Variants in N4BP2 observed in about 807,000 individuals in gnomAD.
N4BP2 encodes the protein NEDD4 binding protein 2.
In N4BP2, 91 loss-of-function variants were observed where a neutral mutation model predicts 152.8. The observed-to-expected ratio is 0.60, with a 90% CI of 0.50 to 0.71. N4BP2 has a LOEUF of 0.71. Ranked by LOEUF, N4BP2 falls within the 30% of genes least tolerant of loss-of-function variation. N4BP2 has a pLI of 0.00. For synonymous variants in N4BP2, 646 were observed against 705.3 expected (o/e 0.92, Z 1.33); for missense variants, 1,923 against 2,059.1 (o/e 0.93, Z 1.28).
chr4:40,147,583 G>T (rs946795393), intron 16 of N4BP2, among the ~76,000 whole-genome samples: 36 of 148,668 alleles, frequency 2.4e-4, no homozygotes, highest in Non-Finnish European at 4.0e-4. Flanking sequence ...GGCCGGGTGG[G>T]GGCTGACCCC....
At chr4:40,151,147 T>A (rs1260595266) in intron 16 of N4BP2, among the ~76,000 whole-genome samples, 7 of 152,222 alleles carry the variant, frequency 4.6e-5, no homozygotes, top group Non-Finnish European at 8.8e-5. Context: ...AACTAGAGAA[T>A]ATTTTCAGAG....
At chr4:40,069,061 A>G (rs1038317557) in intron 1 of N4BP2, among the ~76,000 whole-genome samples, 1 of 152,006 alleles carries the variant, frequency 6.6e-6, no homozygotes, top group Non-Finnish European at 1.5e-5. Context: ...CAGATGTTGC[A>G]GTGAGCCGGG....
At chr4:40,127,935 A>G (rs2110009305) in intron 12 of N4BP2, among the ~76,000 whole-genome samples, 1 of 152,332 alleles carries the variant, frequency 6.6e-6, no homozygotes, top group East Asian at 1.9e-4. Flanking sequence ...TGCTGGGATT[A>G]CAGGCGTGAG....
At chr4:40,058,877 G>A (rs2109879076) in intron 1 of N4BP2, among the ~76,000 whole-genome samples, 1 of 152,220 alleles carries the variant, frequency 6.6e-6, no homozygotes, top group Middle Eastern at 3.4e-3. Context: ...CTGGAGTGCA[G>A]TGGCACTATC....
chr4:40,186,176 G>T, the N4BP2 span, among the ~76,000 whole-genome samples: 1 of 151,988 alleles, frequency 6.6e-6, no homozygotes, highest in African/African-American at 2.4e-5. Context: ...ATTGGCATTG[G>T]GTTGGAATCC....
At chr4:40,122,333 G>T (rs765304007) in intron 9 of N4BP2, 24 bp downstream of exon 9, 1 of 1,463,690 alleles carries the variant, frequency 6.8e-7, no homozygotes, top group African/African-American at 1.4e-5. Flanking sequence ...AAATGACCAT[G>T]TGTGTGTCTT....
At chr4:40,132,048 C>T (rs1718949844) in intron 13 of N4BP2, 129 bp downstream of exon 13, 3 of 678,206 alleles carry the variant, frequency 4.4e-6, no homozygotes, top group South Asian at 1.9e-5. Flanking sequence ...GGTATTATTC[C>T]AAGACCCACA....
chr4:40,063,110 T>TA (rs1292069139), intron 1 of N4BP2, among the ~76,000 whole-genome samples: 1 of 152,244 alleles, frequency 6.6e-6, no homozygotes, highest in Non-Finnish European at 1.5e-5. Flanking sequence ...CAGGCCCTTT[T>TA]ATAGCCTGAA....
intron 1 of N4BP2, among the ~76,000 whole-genome samples, chr4:40,065,693 A>G (rs1209424001): frequency 6.6e-6 from 1 of 152,208 alleles, no homozygotes; most frequent in East Asian, 1.9e-4. Flanking sequence ...TCTGATCATT[A>G]TCAATTCTGT....
At chr4:40,184,089 C>T in the N4BP2 span, among the ~76,000 whole-genome samples, 1 of 152,182 alleles carries the variant, frequency 6.6e-6, no homozygotes, top group Non-Finnish European at 1.5e-5. Context: ...TCTTAGACAT[C>T]ATGATTCACC....
chr4:40,189,922 A>ACT, the N4BP2 span, among the ~76,000 whole-genome samples: 986 of 85,484 alleles, frequency 0.012, 14 homozygotes, highest in African/African-American at 0.055. The surrounding 1 kb of genome is among the most constrained non-coding windows in gnomAD (Gnocchi z 4.3). Context: ...ACAGACACAT[A>ACT]CACACACACA....
At chr4:40,183,243 G>A in the N4BP2 span, among the ~76,000 whole-genome samples, 1 of 151,962 alleles carries the variant, frequency 6.6e-6, no homozygotes, top group Non-Finnish European at 1.5e-5. Flanking sequence ...ATGACCGTGT[G>A]TAACATCCCA....
At chr4:40,066,182 G>T (rs1288441603) in intron 1 of N4BP2, among the ~76,000 whole-genome samples, 2 of 152,034 alleles carry the variant, frequency 1.3e-5, no homozygotes, top group Admixed American at 6.6e-5. Flanking sequence ...ACCTGCCTCA[G>T]CCTCCCAGTG....
At chr4:40,099,546 G>T (rs1715423376) in intron 3 of N4BP2, among the ~76,000 whole-genome samples, 1 of 151,872 alleles carries the variant, frequency 6.6e-6, no homozygotes, top group African/African-American at 2.4e-5. Context: ...CACTGCACCC[G>T]GCCCATGTTT....
chr4:40,154,437 A>C lies in N4BP2; in HGVS notation c.*200A>C, dbSNP rs751972749. 1.7e-4 allele frequency: 78 copies of C among 451,268 alleles called. No individual in the cohort carries two copies. The highest frequency in any genetic ancestry group is 2.5e-4 in the Admixed American group (6 of 23,968). 28.0% of individuals were successfully genotyped at this position (451,268 alleles called of 1,614,324 possible). A position where few individuals can be genotyped will look rare whatever the true frequency, so the allele number is the denominator to read the frequency against. Reference sequence around the variant, plus strand: ...ATCAAATGCAAATGTTACCTGTTAAAGATATTACAGAGAAATTTTATTGAT... The same window carrying C: ...ATCAAATGCAAATGTTACCTGTTAACGATATTACAGAGAAATTTTATTGAT... On this transcript the variant is annotated 3_prime_UTR_variant, in exon 18 of 18. Coordinates refer to ENST00000261435, the MANE Select transcript of N4BP2 (RefSeq NM_018177.6).
chr4:40,138,116 G>A (rs571042912), intron 14 of N4BP2, among the ~76,000 whole-genome samples: 42 of 152,272 alleles, frequency 2.8e-4, no homozygotes, highest in Admixed American at 9.8e-4. Context: ...GCAGAATACA[G>A]AAAATAAAAG....
chr4:40,106,828 T>C (rs751890155), intron 4 of N4BP2, 72 bp from the exon 5 acceptor site: 5 of 1,442,290 alleles, frequency 3.5e-6, no homozygotes, highest in Non-Finnish European at 4.8e-6. Flanking sequence ...ATTTTGTTTA[T>C]GACTTTGGAA....
intron 14 of N4BP2, among the ~76,000 whole-genome samples, chr4:40,141,758 G>A (rs1282762882): frequency 4.6e-5 from 7 of 152,198 alleles, no homozygotes; most frequent in Non-Finnish European, 1.0e-4. Context: ...GGAGGTTGTA[G>A]CGAGCCGAGA....
At position 40,120,506 on chromosome 4, in the gene N4BP2, C is replaced by T. The variant is rs750212828; in HGVS notation, c.2395C>T (p.Gln799Ter). The change falls in exon 9 of 18, where the codon CAG becomes TAG. Residue 799 changes from glutamine to a stop codon, truncating the protein, a stop_gained. Coordinates refer to ENST00000261435, the MANE Select transcript of N4BP2 (RefSeq NM_018177.6). LOFTEE classifies it high-confidence loss of function. ...CTGGCCAGTTGATAAGACTATTGGT[C>T]AGAGGACAAAAAGGAACAGAAAAAC... ...GDWPVDKTIG[Q>*]RTKRNRKTEK... is the part of the protein sequence containing the mutation. 6.2e-7 allele frequency: 1 copy of T among 1,613,476 alleles called. No homozygotes were observed. Among genetic ancestry groups the T allele is most frequent in the Non-Finnish European group, 8.5e-7 (1 of 1,179,898 alleles).
Sources: gnomAD v4.1 joint callset for allele counts (sites outside exome capture counted in the v4.1 genomes callset) on GRCh38, gnomAD v4.1.1 for gene constraint, Gnocchi (gnomAD v3.1) non-coding constraint, MANE v1.5 for transcripts, NCBI Gene and HGNC (gene_info 2026-07-23, HGNC 2026-07-21) for gene names.